Variants in RNF216 observed in about 807,000 individuals in gnomAD.
RNF216 encodes ring finger protein 216.
Under a neutral mutation model 110.8 loss-of-function variants are expected in RNF216, and 72 were observed. That is an observed-to-expected ratio of 0.65 (90% CI 0.54 to 0.79). The LOEUF (loss-of-function observed/expected upper bound fraction) is 0.79, where lower values mean the gene tolerates loss of function less well. RNF216 is among the 30% of genes least tolerant of loss of function. The pLI is 0.00. For synonymous variants in RNF216, 495 were observed against 407.5 expected (o/e 1.21, Z -2.59); for missense variants, 1,342 against 1,141.2 (o/e 1.18, Z -2.54).
chr7:5,646,723 A>G (rs1233790229), intron 14 of RNF216, among the ~76,000 whole-genome samples: 1 of 152,062 alleles, frequency 6.6e-6, no homozygotes, highest in Non-Finnish European at 1.5e-5. Context: ...ATTTTTGTAA[A>G]GACTATTCCT....
chr7:5,712,753 C>G lies in RNF216; in HGVS notation c.1944G>C (p.Glu648Asp), dbSNP rs1792794317. ...ILYKYYERKA[E>D]EEVAAAYADE... Reference sequence around the variant, plus strand: ...CGGCGTAGGCTGCCGCAACCTCCTCCTCGGCTTTTCGCTCATAGTACTTAT... The same window carrying G: ...CGGCGTAGGCTGCCGCAACCTCCTCGTCGGCTTTTCGCTCATAGTACTTAT... Residue 648 changes from glutamate to aspartate, a missense_variant, in exon 12 of 17, where the codon GAG becomes GAC. By Grantham distance (45) the Glu-to-Asp change is conservative. Coordinates refer to ENST00000389902, the MANE Select transcript of RNF216 (RefSeq NM_207111.4). 6.2e-7 allele frequency: 1 copy of G among 1,614,110 alleles called. No individual in the cohort carries two copies. The highest frequency in any genetic ancestry group is 8.5e-7 in the Non-Finnish European group (1 of 1,180,022).
In RNF216 at chr7:5,752,899, C is replaced by T. The variant is rs763604028; in HGVS notation, c.148G>A (p.Ala50Thr). Residue 50 changes from alanine (A) to threonine (T), a missense_variant, in exon 3 of 17, where the codon GCT (alanine) becomes ACT (threonine). Ala to Thr is a moderately conservative substitution (Grantham distance 58, BLOSUM62 0). Transcript: ENST00000389902. The part of the protein sequence containing the change: ...EERIPMLVTP[A>T]PQQHEEEDLD... ...TCCTCTTCTTCATGCTGCTGAGGAG[C>T]TGGGGTGACCAGCATTGGAATCCTT... 1 of 1,612,224 alleles carries T rather than the reference C, an allele frequency of 6.2e-7. No individual in the cohort carries two copies. Among genetic ancestry groups the T allele is most frequent in the Non-Finnish European group, 8.5e-7 (1 of 1,179,280 alleles).
At chr7:5,710,916 C>A (rs1382493926) in intron 13 of RNF216, among the ~76,000 whole-genome samples, 4 of 152,222 alleles carry the variant, frequency 2.6e-5, no homozygotes, top group Admixed American at 1.3e-4. Flanking sequence ...GTTATAGCAA[C>A]AGCCTGGGGT....
At chr7:5,679,069 A>G (rs1242809804) in intron 13 of RNF216, among the ~76,000 whole-genome samples, 1 of 152,246 alleles carries the variant, frequency 6.6e-6, no homozygotes, top group Non-Finnish European at 1.5e-5. Context: ...GATTAGATAC[A>G]GTGGAATGAA....
At position 5,741,711 on chromosome 7, in the gene RNF216, T is replaced by C; in HGVS notation, c.306A>G (p.Ala102=). 6.2e-7 allele frequency: 1 copy of C among 1,614,240 alleles called. No homozygotes were observed. The highest frequency in any genetic ancestry group is 8.5e-7 in the Non-Finnish European group (1 of 1,180,044). The change falls in exon 4 of 17, where the codon GCA becomes GCG. Residue 102 remains alanine, a synonymous_variant. Transcript: ENST00000389902. Reference sequence around the variant, plus strand: ...AATAGCTGCTCTTATCTGATTCAAATGCTGCTCTAGACTTTTTAGGCCTTT... The same window carrying C: ...AATAGCTGCTCTTATCTGATTCAAACGCTGCTCTAGACTTTTTAGGCCTTT... The part of the protein sequence containing the change: ...GEERPKKSRA[A]FESDKSSYFS...
At chr7:5,770,601 T>A (rs1371939858) in intron 1 of RNF216, among the ~76,000 whole-genome samples, 1 of 151,770 alleles carries the variant, frequency 6.6e-6, no homozygotes, top group Non-Finnish European at 1.5e-5. Flanking sequence ...ACAACCTTTA[T>A]CAGGTTTTAA....
intron 5 of RNF216, among the ~76,000 whole-genome samples, chr7:5,734,442 G>A (rs1355750475): frequency 2.0e-5 from 3 of 152,146 alleles, no homozygotes; most frequent in Non-Finnish European, 4.4e-5. Context: ...TTACACAAAT[G>A]TTTGGTTTGT....
rs534158174 is a variant in RNF216 at position 5,624,529 on chromosome 7, G to A, written c.2383-404C>T. On this transcript the variant is annotated intron_variant, in intron 15 of 16. Coordinates refer to ENST00000389902, the MANE Select transcript of RNF216 (RefSeq NM_207111.4). The surrounding 1 kb of genome is among the most constrained non-coding windows in gnomAD (Gnocchi z 4.4). ...CCACAAGCGCTCGGCATGGCAGCCT[G>A]TCTGCAGAGCCTGGAAAAGTCTTGC... is the stretch of plus-strand genomic sequence containing the variant. Among the ~76,000 whole-genome samples the A allele has an allele frequency of 6.6e-6, 1 of 152,366 alleles. No individual in the cohort carries two copies. Among genetic ancestry groups the A allele is most frequent in the East Asian group, 1.9e-4 (1 of 5,180 alleles).
intron 13 of RNF216, among the ~76,000 whole-genome samples, chr7:5,679,715 A>T (rs1349029290): frequency 6.6e-6 from 1 of 152,022 alleles, no homozygotes; most frequent in East Asian, 1.9e-4. Context: ...AGGAACAATT[A>T]AACAAAAAAA....
chr7:5,666,216 G>C (rs1789511959), intron 13 of RNF216, among the ~76,000 whole-genome samples: 1 of 151,256 alleles, frequency 6.6e-6, no homozygotes, highest in South Asian at 2.1e-4. Context: ...TCCTACTAAG[G>C]ACTATGGGTC....
At chr7:5,672,689 G>A (rs901830239) in intron 13 of RNF216, among the ~76,000 whole-genome samples, 1 of 152,058 alleles carries the variant, frequency 6.6e-6, no homozygotes, top group Non-Finnish European at 1.5e-5. Flanking sequence ...GCACACTGGT[G>A]CTGGTATGGA....
At chr7:5,740,238 T>A (rs1457404160) in intron 4 of RNF216, among the ~76,000 whole-genome samples, 1 of 148,922 alleles carries the variant, frequency 6.7e-6, no homozygotes, top group Non-Finnish European at 1.5e-5. Flanking sequence ...ACCATTCTCC[T>A]GCCTCAGCCT....
At chr7:5,634,889 A>G (rs978755124) in intron 15 of RNF216, among the ~76,000 whole-genome samples, 1 of 152,172 alleles carries the variant, frequency 6.6e-6, no homozygotes, top group Non-Finnish European at 1.5e-5. Flanking sequence ...CTGGGGTAGC[A>G]AAACTGCCAG....
chr7:5,781,401 C>G (rs1017897937), intron 1 of RNF216, 140 bp downstream of exon 1: 3 of 152,310 alleles, frequency 2.0e-5, no homozygotes, highest in Non-Finnish European at 4.4e-5. Flanking sequence ...GGCCTCGGCC[C>G]GCGCCCCTCA....
chr7:5,776,685 C>T (rs1265484277), intron 1 of RNF216, among the ~76,000 whole-genome samples: 2 of 149,418 alleles, frequency 1.3e-5, no homozygotes. Context: ...AAGTGAGAGA[C>T]GTGTCAGATC....
intron 3 of RNF216, among the ~76,000 whole-genome samples, chr7:5,750,648 CCA>C (rs1795281583): frequency 6.6e-6 from 1 of 152,284 alleles, no homozygotes; most frequent in African/African-American, 2.4e-5. Flanking sequence ...AATGCATGGG[CCA>C]CACAGAGTTC....
intron 3 of RNF216, among the ~76,000 whole-genome samples, chr7:5,747,333 A>G (rs1218014870): frequency 1.3e-5 from 2 of 152,202 alleles, no homozygotes; most frequent in Admixed American, 1.3e-4. Flanking sequence ...CAGCTAACAC[A>G]TGGTGGGACC....
At chr7:5,746,144 T>G (rs1255869614) in intron 3 of RNF216, among the ~76,000 whole-genome samples, 1 of 152,120 alleles carries the variant, frequency 6.6e-6, no homozygotes, top group Non-Finnish European at 1.5e-5. Flanking sequence ...GAGCTGCAAG[T>G]GTCGGAAGTC....
At position 5,759,627 on chromosome 7, in the gene RNF216, T is replaced by TTTC. The variant is rs78700718; in HGVS notation, c.67+1373_67+1375dup. 2.9e-3 allele frequency among the ~76,000 whole-genome samples: 32 copies of TTTC among 10,996 alleles called. 6 individuals are homozygous for TTTC. The highest frequency in any genetic ancestry group is 3.6e-3 in the Non-Finnish European group (17 of 4,682). 7.2% of individuals were successfully genotyped at this position (10,996 alleles called of 152,430 possible). Reference sequence around the variant, plus strand: ...GTACTTAAGTTTTGGTGGAGTCATTTTTCTTCTTTTTTTTTTTTTTTTGAG... The same window carrying TTTC: ...GTACTTAAGTTTTGGTGGAGTCATTTTTCTTCTTCTTTTTTTTTTTTTTTTGAG... On this transcript the variant is annotated intron_variant, in intron 2 of 16. Coordinates refer to ENST00000389902, the MANE Select transcript of RNF216 (RefSeq NM_207111.4).
Sources: allele counts gnomAD v4.1 joint callset (sites outside exome capture counted in the v4.1 genomes callset), GRCh38; gene constraint gnomAD v4.1.1; non-coding constraint Gnocchi (gnomAD v3.1); transcripts MANE v1.5; gene names NCBI Gene and HGNC (gene_info 2026-07-23, HGNC 2026-07-21).